The following COL8A2 variants were observed in gnomAD, a reference collection of about 807,000 sequenced individuals.
COL8A2 encodes collagen alpha-2(VIII) chain.
Under a neutral mutation model 24.0 loss-of-function variants are expected in COL8A2, and 16 were observed. The observed-to-expected ratio is 0.67, with a 90% CI of 0.45 to 1.01. The LOEUF (loss-of-function observed/expected upper bound fraction) is 1.01. Ranked by LOEUF, COL8A2 falls within the 50% of genes least tolerant of loss-of-function variation. The probability of loss-of-function intolerance (pLI) is 0.00; values close to 1 mark genes in which losing one functional copy is unlikely to be tolerated. For missense variants in COL8A2, 818 were observed against 942.4 expected (o/e 0.87, Z 1.73); for synonymous variants, 466 against 424.5 (o/e 1.10, Z -1.20).
intron 1 of COL8A2, among the ~76,000 whole-genome samples, chr1:36,118,709 C>A (rs1643891065): frequency 7.0e-6 from 1 of 142,152 alleles, no homozygotes; most frequent in African/African-American, 2.5e-5. Context: ...CTTCTGAGAG[C>A]TGCAGGGTTC....
At position 36,099,441 on chromosome 1, in the gene COL8A2, G is replaced by A. The variant is rs1268479576; in HGVS notation, c.240C>T (p.Gly80=). Residue 80 remains glycine (G), a synonymous_variant, in exon 4 of 4, where the codon GGC becomes GGT. Coordinates refer to ENST00000397799, the MANE Select transcript of COL8A2 (RefSeq NM_005202.4). ...CCCGAGGCCCGGGCTTCCCAGGGGGGCCGGGCTCTCCCTTCAGGTCCATCG... is the reference window on the plus strand; with the variant it reads ...CCCGAGGCCCGGGCTTCCCAGGGGGACCGGGCTCTCCCTTCAGGTCCATCG... ...LLPMDLKGEP[G]PPGKPGPRGP... 1.9e-6 allele frequency: 3 copies of A among 1,545,150 alleles called. No individual in the cohort carries two copies. Among genetic ancestry groups the A allele is most frequent in the East Asian group, 2.4e-5 (1 of 42,044 alleles).
At chr1:36,109,611 C>T (rs1262706275) in intron 2 of COL8A2, among the ~76,000 whole-genome samples, 2 of 150,806 alleles carry the variant, frequency 1.3e-5, no homozygotes, top group African/African-American at 4.9e-5. Context: ...TGAGACAGAG[C>T]CAGGCTGGAG....
chr1:36,099,341 C>A lies in COL8A2; in HGVS notation c.340G>T (p.Ala114Ser). The A allele has an allele frequency of 6.3e-7, 1 of 1,580,924 alleles. No homozygotes were observed. The highest frequency in any genetic ancestry group is 1.2e-5 in the South Asian group (1 of 86,894). The change falls in exon 4 of 4, where the codon GCT becomes TCT. Residue 114 changes from alanine to serine, a missense_variant. Transcript: ENST00000397799. ...KPGLHGQPGP[A>S]GPPGFSRMGK... ...ATCCGGGAGAAGCCAGGGGGCCCAG[C>A]AGGGCCAGGCTGCCCATGGAGTCCT...
intron 2 of COL8A2, 68 bp from the exon 3 acceptor site, chr1:36,100,326 C>A: frequency 7.5e-7 from 1 of 1,338,446 alleles, no homozygotes; most frequent in Non-Finnish European, 1.0e-6. Flanking sequence ...CCGGGGTCAC[C>A]AAAAGATCAG....
rs776780878 is a variant in COL8A2, at chr1:36,097,785, G to A, written c.1896C>T (p.Asn632=). ...FAYHVHVKGT[N]VWVALYKNNV... ...TGTTCTTGTACAGGGCCACCCACACGTTGGTGCCCTTGACGTGCACATGGT... is the reference window on the plus strand; with the variant it reads ...TGTTCTTGTACAGGGCCACCCACACATTGGTGCCCTTGACGTGCACATGGT... Residue 632 remains asparagine (N), a synonymous_variant, in exon 4 of 4, where the codon AAC becomes AAT. Coordinates refer to ENST00000397799, the MANE Select transcript of COL8A2 (RefSeq NM_005202.4). 26 of 1,613,606 alleles carry A rather than the reference G, an allele frequency of 1.6e-5. No individual in the cohort carries two copies. The highest frequency in any genetic ancestry group is 5.0e-5 in the Admixed American group (3 of 59,998).
rs1643872527 is a variant in COL8A2, at chr1:36,115,013, G to A, written c.-17+695C>T. Reference sequence around the variant, plus strand: ...CCAGGAAGGTAAGAACAGCCGGGCAGGGGCAGATGGACTAGAAAAGGCCCG... The same window carrying A: ...CCAGGAAGGTAAGAACAGCCGGGCAAGGGCAGATGGACTAGAAAAGGCCCG... On this transcript the variant is annotated intron_variant, in intron 2 of 3. Coordinates refer to ENST00000397799, the MANE Select transcript of COL8A2 (RefSeq NM_005202.4). The surrounding 1 kb of genome is among the most constrained non-coding windows in gnomAD (Gnocchi z 5.7). Among the ~76,000 whole-genome samples the A allele has an allele frequency of 6.6e-6, 1 of 152,194 alleles. No individual in the cohort carries two copies. The highest frequency in any genetic ancestry group is 2.1e-4 in the South Asian group (1 of 4,834).
At chr1:36,106,553 G>A (rs1206427287) in intron 2 of COL8A2, among the ~76,000 whole-genome samples, 1 of 152,180 alleles carries the variant, frequency 6.6e-6, no homozygotes, top group East Asian at 1.9e-4. Flanking sequence ...GCCGAGGGAG[G>A]GGAGGGTCTG....
chr1:36,109,645 C>T (rs1055759313), intron 2 of COL8A2, among the ~76,000 whole-genome samples: 1 of 150,832 alleles, frequency 6.6e-6, no homozygotes, highest in Non-Finnish European at 1.5e-5. Flanking sequence ...TCTCAGCTCA[C>T]TGCAACCTCC....
intron 1 of COL8A2, among the ~76,000 whole-genome samples, chr1:36,120,007 T>G (rs1302579942): frequency 6.6e-6 from 1 of 152,056 alleles, no homozygotes; most frequent in East Asian, 1.9e-4. Flanking sequence ...CACAGAGGCT[T>G]CCCTCCCTTG....
Position 36,125,130 on chromosome 1 carries a change from C to A in COL8A2, c.-135G>T. 1 of 878,146 alleles carries A rather than the reference C, an allele frequency of 1.1e-6. No homozygotes were observed. The highest frequency in any genetic ancestry group is 1.4e-6 in the Non-Finnish European group (1 of 734,314). The allele number at this position is 878,146 out of a possible 1,614,324, so 54.4% of individuals were successfully genotyped here. On this transcript the variant is annotated 5_prime_UTR_variant, in exon 1 of 4. Transcript: ENST00000397799. The surrounding 1 kb of genome is among the most constrained non-coding windows in gnomAD (Gnocchi z 4.5). ...GGGCGGCGAGGGCTCCGGGCAGGGG[C>A]GTCCGCGGCTGGGCGGGCGGCGTTG... is the stretch of plus-strand genomic sequence containing the variant.
At chr1:36,105,943 T>G in intron 2 of COL8A2, among the ~76,000 whole-genome samples, 3 of 92,974 alleles carry the variant, frequency 3.2e-5, no homozygotes, top group Admixed American at 1.3e-4. Context: ...CAAGATCCTG[T>G]CTCACTTAAA....
Position 36,125,076 on chromosome 1 carries a change from GC to G in COL8A2, c.-82del, listed in dbSNP as rs1643942713. The G allele has an allele frequency of 1.0e-6, 1 of 980,830 alleles. No individual in the cohort carries two copies. The highest frequency in any genetic ancestry group is 1.2e-6 in the Non-Finnish European group (1 of 827,024). 60.8% of individuals were successfully genotyped at this position (980,830 alleles called of 1,614,324 possible). On this transcript the variant is annotated 5_prime_UTR_variant, in exon 1 of 4. Coordinates refer to ENST00000397799, the MANE Select transcript of COL8A2 (RefSeq NM_005202.4). The surrounding 1 kb of genome is among the most constrained non-coding windows in gnomAD (Gnocchi z 4.5). ...CTTTACCTGCGGGCGCGGCCGCCGG[GC>G]GCCGCTCCCGGCCCTCGAGGGCGGC... is the stretch of plus-strand genomic sequence containing the variant.
chr1:36,117,787 G>A (rs937085855), intron 1 of COL8A2, among the ~76,000 whole-genome samples: 2 of 151,802 alleles, frequency 1.3e-5, no homozygotes, highest in African/African-American at 4.8e-5. Context: ...CACTTTGGGA[G>A]GCCAAGGCAG....
intron 2 of COL8A2, among the ~76,000 whole-genome samples, chr1:36,100,977 T>A (rs373843305): frequency 2.2e-5 from 3 of 137,336 alleles, no homozygotes; most frequent in African/African-American, 8.0e-5. Flanking sequence ...CACTGCAAAA[T>A]CTGCCTCCCG....
rs1287168364 is a variant in COL8A2 at position 36,114,351 on chromosome 1, CG to C, written c.-17+1356del. Among the ~76,000 whole-genome samples the C allele has an allele frequency of 1.8e-4, 27 of 148,366 alleles. No individual in the cohort carries two copies. In the East Asian group the frequency reaches 5.1e-3, roughly 28 times the overall value. ...AAAAAAAAAAATACAGGTTCGTTGG[CG>C]GGGTTGCTGCAGCCTGGAGGAGGCC... On this transcript the variant is annotated intron_variant, in intron 2 of 3. Transcript: ENST00000397799.
At chr1:36,109,929 CT>C (rs35479902) in intron 2 of COL8A2, among the ~76,000 whole-genome samples, 66,425 of 91,882 alleles carry the variant, frequency 0.72, 23,300 homozygotes, top group South Asian at 0.77. Context: ...CCTTTACTTC[CT>C]TTTTTTTTTT....
At chr1:36,107,835 C>T (rs867503804) in intron 2 of COL8A2, among the ~76,000 whole-genome samples, 9 of 152,094 alleles carry the variant, frequency 5.9e-5, no homozygotes, top group African/African-American at 2.2e-4. Context: ...GCACACATGC[C>T]GGGCCTCCCT....
intron 1 of COL8A2, among the ~76,000 whole-genome samples, chr1:36,124,716 C>G (rs1013967131): frequency 1.1e-4 from 17 of 152,158 alleles, no homozygotes; most frequent in African/African-American, 4.1e-4. Context: ...TTTATCCCCA[C>G]TTTACAGGTG....
Position 36,097,713 on chromosome 1 carries a change from C to T in COL8A2, c.1968G>A (p.Leu656=), listed in dbSNP as rs772492757. Residue 656 remains leucine (L), a synonymous_variant, in exon 4 of 4, where the codon CTG becomes CTA. Coordinates refer to ENST00000397799, the MANE Select transcript of COL8A2 (RefSeq NM_005202.4). ...GCACGGCCCCACCAGATGCCTGGTC[C>T]AGGTAGCCCTTCTTGTACTCATCGT... ...YTYDEYKKGY[L]DQASGGAVLQ... 1 of 1,613,708 alleles carries T rather than the reference C, an allele frequency of 6.2e-7. No individual in the cohort carries two copies. Among genetic ancestry groups the T allele is most frequent in the East Asian group, 2.2e-5 (1 of 44,878 alleles).
Sources: gnomAD v4.1 joint callset for allele counts (sites outside exome capture counted in the v4.1 genomes callset) on GRCh38, gnomAD v4.1.1 for gene constraint, Gnocchi (gnomAD v3.1) non-coding constraint, MANE v1.5 for transcripts, NCBI Gene and HGNC (gene_info 2026-07-23, HGNC 2026-07-21) for gene names.